The following PRICKLE2 variants were observed in gnomAD, a reference collection of about 807,000 sequenced individuals.
The protein encoded by PRICKLE2 is prickle-like protein 2.
Under a neutral mutation model 81.4 loss-of-function variants are expected in PRICKLE2, and 21 were observed. The ratio of observed to expected loss-of-function variants is 0.26; its 90% CI spans 0.18 to 0.37. PRICKLE2 has a LOEUF of 0.37. Among genes scored for constraint, PRICKLE2 ranks in the 10% least tolerant of loss-of-function variants. The pLI, the probability that PRICKLE2 is intolerant of heterozygous loss-of-function variation, is 1.00. For missense variants in PRICKLE2, 940 were observed against 1,109.0 expected, an observed-to-expected ratio of 0.85 and a Z score of 2.16; for synonymous variants, 456 against 421.5, an observed-to-expected ratio of 1.08 and a Z score of -1.00.
intron 2 of PRICKLE2, among the ~76,000 whole-genome samples, chr3:64,188,088 C>T (rs781195920): frequency 6.6e-6 from 1 of 152,234 alleles, no homozygotes; most frequent in Non-Finnish European, 1.5e-5. Flanking sequence ...GCACACCCTT[C>T]ATCCGTATCT....
At chr3:64,155,312 A>G (rs986664232) in intron 5 of PRICKLE2, among the ~76,000 whole-genome samples, 4 of 151,986 alleles carry the variant, frequency 2.6e-5, no homozygotes, top group Non-Finnish European at 5.9e-5. Flanking sequence ...TTGGGGAAAT[A>G]TGAATCAAAA....
At chr3:64,182,863 G>C (rs2078159047) in intron 2 of PRICKLE2, among the ~76,000 whole-genome samples, 1 of 151,854 alleles carries the variant, frequency 6.6e-6, no homozygotes. Context: ...AAAGGAAAAT[G>C]AAGAAAACTG....
chr3:64,203,885 C>T (rs746438792), intron 1 of PRICKLE2, among the ~76,000 whole-genome samples: 3 of 148,438 alleles, frequency 2.0e-5, no homozygotes, highest in East Asian at 1.9e-4. Flanking sequence ...GGTGGAGGCA[C>T]GAGAACCGCT....
chr3:64,165,647 A>G (rs1413409318), intron 2 of PRICKLE2, among the ~76,000 whole-genome samples: 5 of 152,016 alleles, frequency 3.3e-5, no homozygotes, highest in Non-Finnish European at 7.4e-5. Flanking sequence ...AGCAGGAACT[A>G]CCAGCGCATG....
intron 7 of PRICKLE2, among the ~76,000 whole-genome samples, chr3:64,137,916 T>C: frequency 6.6e-6 from 1 of 152,136 alleles, no homozygotes; most frequent in East Asian, 1.9e-4. Context: ...GTGAGAAGGC[T>C]GGGCTCCATC....
At chr3:64,227,990 G>A (rs1167695509), upstream of PRICKLE2, among the ~76,000 whole-genome samples, 1 of 152,114 alleles carries the variant, frequency 6.6e-6, no homozygotes, top group African/African-American at 2.4e-5. Flanking sequence ...TTTTCCATAT[G>A]ATACAATACA....
intron 7 of PRICKLE2, among the ~76,000 whole-genome samples, chr3:64,106,785 C>G (rs1434977097): frequency 1.3e-5 from 2 of 151,360 alleles, no homozygotes; most frequent in Non-Finnish European, 2.9e-5. Flanking sequence ...TGTGCGTGCT[C>G]AAGCACATGT....
chr3:64,122,597 C>T (rs704387), intron 7 of PRICKLE2, among the ~76,000 whole-genome samples: 123,666 of 152,080 alleles, frequency 0.81, 50,618 homozygotes, highest in East Asian at 0.98. Context: ...GTGGGTGACC[C>T]TAGAATTCAG....
At chr3:64,213,206 T>C (rs2078819294) in intron 1 of PRICKLE2, among the ~76,000 whole-genome samples, 1 of 151,246 alleles carries the variant, frequency 6.6e-6, no homozygotes, top group East Asian at 2.0e-4. Context: ...CCTTCCACCA[T>C]CTAGCTGAGA....
intron 2 of PRICKLE2, among the ~76,000 whole-genome samples, chr3:64,246,363 T>C (rs1212071883): frequency 6.6e-6 from 1 of 152,208 alleles, no homozygotes; most frequent in Non-Finnish European, 1.5e-5. Flanking sequence ...AACAGAGCCC[T>C]GAAGTTGGAA....
intron 2 of PRICKLE2, among the ~76,000 whole-genome samples, chr3:64,165,989 TGTGTGTGTGTGTGTGTGTG>T (rs2077824902): frequency 4.0e-5 from 6 of 150,740 alleles, no homozygotes; most frequent in African/African-American, 1.2e-4. Context: ...TGTGTGTGTG[TGTGTGTGTGTGTGTGTGTG>T]TGTGTGTTTT....
chr3:64,117,069 G>A (rs988238935), intron 7 of PRICKLE2, among the ~76,000 whole-genome samples: 6 of 152,150 alleles, frequency 3.9e-5, no homozygotes, highest in African/African-American at 1.4e-4. Flanking sequence ...TAAATGTGAT[G>A]CCTCACATAA....
intron 2 of PRICKLE2, among the ~76,000 whole-genome samples, chr3:64,245,838 C>T (rs1445126868): frequency 5.3e-5 from 8 of 152,160 alleles, no homozygotes; most frequent in Non-Finnish European, 1.2e-4. Flanking sequence ...TCTGAATAAC[C>T]ATGTGTGCTC....
chr3:64,176,381 C>A (rs572064628), intron 2 of PRICKLE2, among the ~76,000 whole-genome samples: 170 of 152,156 alleles, frequency 1.1e-3, no homozygotes, highest in Non-Finnish European at 1.8e-3. Context: ...CATTTTAAAT[C>A]ATTGTTTTTG....
At chr3:64,120,086 A>G (rs561706546) in intron 7 of PRICKLE2, among the ~76,000 whole-genome samples, 1 of 152,266 alleles carries the variant, frequency 6.6e-6, no homozygotes, top group Admixed American at 6.5e-5. Flanking sequence ...GCAAGGTTTG[A>G]AAATCTAACT....
chr3:64,208,843 CT>C (rs1258932016), intron 1 of PRICKLE2, among the ~76,000 whole-genome samples: 3 of 152,196 alleles, frequency 2.0e-5, no homozygotes, highest in Non-Finnish European at 4.4e-5. Context: ...CCAGTGCTTT[CT>C]CCTACCTTGT....
intron 7 of PRICKLE2, among the ~76,000 whole-genome samples, chr3:64,133,552 A>G (rs949431310): frequency 1.3e-5 from 2 of 152,140 alleles, no homozygotes; most frequent in Non-Finnish European, 2.9e-5. Context: ...AAGCTGTGGC[A>G]AATGGGAATT....
At chr3:64,224,141 G>A (rs552952757) in intron 1 of PRICKLE2, among the ~76,000 whole-genome samples, 5 of 152,276 alleles carry the variant, frequency 3.3e-5, no homozygotes, top group Non-Finnish European at 5.9e-5. Context: ...GGTATGGATC[G>A]CTAACCTCAG....
At chr3:64,244,707 C>T (rs1162134424) in intron 2 of PRICKLE2, among the ~76,000 whole-genome samples, 1 of 151,884 alleles carries the variant, frequency 6.6e-6, no homozygotes, top group Non-Finnish European at 1.5e-5. Context: ...TATATTCATA[C>T]ATGCCACAAA....
Sources: gnomAD v4.1 joint callset for allele counts (sites outside exome capture counted in the v4.1 genomes callset) on GRCh38, gnomAD v4.1.1 for gene constraint, MANE v1.5 for transcripts, NCBI Gene and HGNC (gene_info 2026-07-23, HGNC 2026-07-21) for gene names.